ST3GAL6: variants seen among roughly 807,000 people sequenced by gnomAD.
The protein encoded by ST3GAL6 is ST3 beta-galactoside alpha-2,3-sialyltransferase 6, also known as type 2 lactosamine alpha-2,3-sialyltransferase.
In ST3GAL6, 31 loss-of-function variants were observed where a neutral mutation model predicts 40.5. The ratio of observed to expected loss-of-function variants is 0.77; its 90% CI spans 0.58 to 1.03. The LOEUF (loss-of-function observed/expected upper bound fraction) is 1.03, where lower values mean the gene tolerates loss of function less well. ST3GAL6 is among the 50% of genes least tolerant of loss of function. The pLI, the probability that ST3GAL6 is intolerant of heterozygous loss-of-function variation, is 0.00. For missense variants in ST3GAL6, 357 were observed against 393.2 expected (o/e 0.91, Z 0.78); for synonymous variants, 129 against 136.9 (o/e 0.94, Z 0.40).
chr3:98,736,724 C>T (rs971973596), intron 1 of ST3GAL6, among the ~76,000 whole-genome samples: 10 of 152,042 alleles, frequency 6.6e-5, no homozygotes, highest in African/African-American at 2.2e-4. Context: ...GGGAGCGTGC[C>T]GTGTTGGACA....
At chr3:98,758,323 C>T (rs1937543072) in intron 1 of ST3GAL6, among the ~76,000 whole-genome samples, 4 of 152,146 alleles carry the variant, frequency 2.6e-5, no homozygotes, top group Admixed American at 2.6e-4. Context: ...TATAATGGAT[C>T]CAAATGAGAA....
intron 1 of ST3GAL6, 84 bp from the exon 2 acceptor site, chr3:98,768,346 A>G (rs1351810203): frequency 1.0e-5 from 10 of 990,344 alleles, no homozygotes; most frequent in African/African-American, 9.7e-5. Context: ...ATTTTTTCCA[A>G]TAATGCTTAT....
chr3:98,777,747 C>G (rs963961076), intron 5 of ST3GAL6, among the ~76,000 whole-genome samples: 1 of 152,202 alleles, frequency 6.6e-6, no homozygotes, highest in African/African-American at 2.4e-5. Context: ...TTATCTGCTG[C>G]TGCTACTGAT....
upstream of ST3GAL6, among the ~76,000 whole-genome samples, chr3:98,758,444 T>A (rs1407138371): frequency 6.6e-6 from 1 of 152,160 alleles, no homozygotes; most frequent in African/African-American, 2.4e-5. Context: ...CAAATCTGAG[T>A]TTTTTGTTTG....
At chr3:98,780,732 T>C (rs1940018964) in intron 5 of ST3GAL6, among the ~76,000 whole-genome samples, 1 of 152,120 alleles carries the variant, frequency 6.6e-6, no homozygotes, top group South Asian at 2.1e-4. Context: ...TGAGTCTGAG[T>C]GATGACCAGT....
In ST3GAL6 at chr3:98,794,120, T is replaced by G. The variant is rs1419356291; in HGVS notation, c.*359T>G. ...CAATTCTGACTACAATAAGACATTT[T>G]GAGGAGGATATTTGGCTACTGTAAA... is the stretch of plus-strand genomic sequence containing the variant. On this transcript the variant is annotated 3_prime_UTR_variant, in exon 10 of 10. Coordinates refer to ENST00000483910, the MANE Select transcript of ST3GAL6 (RefSeq NM_001323368.2). 6.4e-6 allele frequency: 1 copy of G among 155,948 alleles called. No individual in the cohort carries two copies. The highest frequency in any genetic ancestry group is 1.4e-5 in the Non-Finnish European group (1 of 70,586). The allele number at this position is 155,948 out of a possible 1,614,324, so 9.7% of individuals were successfully genotyped here. A position where few individuals can be genotyped will look rare whatever the true frequency, so the allele number is the denominator to read the frequency against.
intron 1 of ST3GAL6, among the ~76,000 whole-genome samples, chr3:98,745,906 G>A (rs1936505278): frequency 6.6e-6 from 1 of 152,172 alleles, no homozygotes; most frequent in Admixed American, 6.5e-5. Context: ...TATTGTCTGT[G>A]TTTAAATGTG....
chr3:98,771,024 A>T, intron 3 of ST3GAL6, 68 bp downstream of exon 3: 5 of 1,572,146 alleles, frequency 3.2e-6, no homozygotes, highest in Non-Finnish European at 4.4e-6. Flanking sequence ...CATTTTCCAC[A>T]CTTGTTTATT....
In ST3GAL6 at chr3:98,772,810, C is replaced by T. The variant is rs376470312; in HGVS notation, c.168-3C>T. ...AAAATCATTCTTTATCCTTTCCTTC[C>T]AGGTTTCATCAGTTTCACCCTTTTC... On this transcript the variant is annotated splice_region_variant and splice_polypyrimidine_tract_variant and intron_variant, in intron 3 of 9. Transcript: ENST00000483910. 7.5e-6 allele frequency: 12 copies of T among 1,607,710 alleles called. No individual in the cohort carries two copies. The African/African-American group carries it at 1.6e-4, about 22-fold the overall frequency.
chr3:98,745,704 T>C (rs1363109691), intron 1 of ST3GAL6, among the ~76,000 whole-genome samples: 1 of 152,246 alleles, frequency 6.6e-6, no homozygotes, highest in East Asian at 1.9e-4. Context: ...CTTAATTCTC[T>C]TGTTAAGCCT....
At chr3:98,742,469 G>A (rs1471636014) in intron 1 of ST3GAL6, among the ~76,000 whole-genome samples, 1 of 152,198 alleles carries the variant, frequency 6.6e-6, no homozygotes, top group Non-Finnish European at 1.5e-5. Context: ...TAGCCTGAAA[G>A]TGGAATGTCA....
upstream of ST3GAL6, among the ~76,000 whole-genome samples, chr3:98,761,736 AT>A: frequency 6.6e-6 from 1 of 152,356 alleles, no homozygotes; most frequent in East Asian, 1.9e-4. Context: ...CTTTAAGAGA[AT>A]AAATGGGCAT....
upstream of ST3GAL6, chr3:98,763,224 T>C: frequency 8.2e-7 from 1 of 1,216,896 alleles, no homozygotes; most frequent in Non-Finnish European, 1.1e-6. Flanking sequence ...GTAGATTTGC[T>C]CATGTAGGCA....
At position 98,786,684 on chromosome 3, in the gene ST3GAL6, G is replaced by GT. The variant is rs1263974620; in HGVS notation, c.432-1342dup. Among the ~76,000 whole-genome samples, 760 of 150,052 alleles carry GT rather than the reference G, an allele frequency of 5.1e-3. 7 individuals are homozygous for GT. The highest frequency in any genetic ancestry group is 0.017 in the Middle Eastern group (5 of 290). On this transcript the variant is annotated intron_variant, in intron 6 of 9. Transcript: ENST00000483910. The stretch of plus-strand genomic sequence containing the variant: ...AGTTAGAGATGGTTATGCAATCAGG[G>GT]TTTTTTTTTTGTTTGTTTTCTTCTT...
intron 8 of ST3GAL6, among the ~76,000 whole-genome samples, chr3:98,789,085 A>T (rs913540715): frequency 1.3e-5 from 2 of 152,142 alleles, no homozygotes; most frequent in Non-Finnish European, 2.9e-5. Context: ...AATACTCTAG[A>T]CCCATACAGT....
chr3:98,750,684 T>C (rs1936943009), intron 1 of ST3GAL6, among the ~76,000 whole-genome samples: 1 of 152,108 alleles, frequency 6.6e-6, no homozygotes, highest in African/African-American at 2.4e-5. Flanking sequence ...CCAATGGCTA[T>C]TAAAGTTTGT....
At chr3:98,732,885 A>G (rs541762902) in intron 1 of ST3GAL6, 497 of 1,510,822 alleles carry the variant, frequency 3.3e-4, no homozygotes, top group Admixed American at 5.4e-4. Flanking sequence ...GCCGCGAGAG[A>G]GGCAGCAGCC....
intron 1 of ST3GAL6, among the ~76,000 whole-genome samples, chr3:98,757,061 A>T (rs1257596589): frequency 2.0e-5 from 3 of 152,132 alleles, no homozygotes; most frequent in Non-Finnish European, 4.4e-5. Flanking sequence ...TTTTTTTGGA[A>T]TCCTATGCAC....
At chr3:98,762,992 T>G (rs976351259), upstream of ST3GAL6, 80 of 985,292 alleles carry the variant, frequency 8.1e-5, no homozygotes, top group Non-Finnish European at 9.4e-5. Flanking sequence ...ATCTCACGCA[T>G]TTGGACTACC....
Sources: allele counts gnomAD v4.1 joint callset (sites outside exome capture counted in the v4.1 genomes callset), GRCh38; gene constraint gnomAD v4.1.1; transcripts MANE v1.5; gene names NCBI Gene and HGNC (gene_info 2026-07-23, HGNC 2026-07-21).